The following TNNT2 variants were observed in gnomAD, a reference collection of about 807,000 sequenced individuals.
TNNT2 encodes the protein troponin T, cardiac muscle.
A neutral mutation model predicts 62.4 loss-of-function variants in TNNT2; 34 were observed. The ratio of observed to expected loss-of-function variants is 0.54; its 90% CI spans 0.41 to 0.72. TNNT2 has a LOEUF of 0.72. Ranked by LOEUF, TNNT2 falls within the 30% of genes least tolerant of loss-of-function variation. The probability of loss-of-function intolerance (pLI) is 0.00; values close to 1 mark genes in which losing one functional copy is unlikely to be tolerated. For missense variants in TNNT2, 275 were observed against 381.9 expected (o/e 0.72, Z 2.33); for synonymous variants, 123 against 127.2 (o/e 0.97, Z 0.22).
At chr1:201,369,677 A>T in intron 5 of TNNT2, 139 bp downstream of exon 5, 2 of 970,644 alleles carry the variant, frequency 2.1e-6, no homozygotes, top group Non-Finnish European at 3.3e-6. Context: ...CCTGGGAGGC[A>T]GGGGAGGAAA....
rs769128006 is a variant in TNNT2 at position 201,361,962 on chromosome 1, C to T, written c.670G>A (p.Glu224Lys). ...TCAATGGCCAGCACCTTCCTCCTCT[C>T]AGCCAGAATCTTCTTCTTCTTTTCC... is the stretch of plus-strand genomic sequence containing the variant. ...EREKKKKILAERRKVLAIDHL... is the reference protein window; with the variant it reads ...EREKKKKILAKRRKVLAIDHL... The change falls in exon 14 of 17, where the codon GAG becomes AAG. Residue 224 changes from glutamate to lysine, a missense_variant. Physicochemically the swap from Glu to Lys is moderately conservative, Grantham distance 56 (BLOSUM62 1). Coordinates refer to ENST00000656932, the MANE Select transcript of TNNT2 (RefSeq NM_001276345.2). 1.2e-6 allele frequency: 2 copies of T among 1,614,132 alleles called. No homozygotes were observed. The highest frequency in any genetic ancestry group is 3.3e-5 in the Admixed American group (2 of 60,012).
chr1:201,361,502 C>G, intron 14 of TNNT2, 133 bp from the exon 15 acceptor site: 1 of 891,562 alleles, frequency 1.1e-6, no homozygotes, highest in Non-Finnish European at 1.9e-6. Context: ...GTACCCCAGC[C>G]CACCCCCTGG....
intron 1 of TNNT2, 28 bp downstream of exon 1, chr1:201,377,595 C>T (rs1661582402): frequency 2.2e-6 from 1 of 456,318 alleles, no homozygotes; most frequent in South Asian, 1.5e-5. Context: ...CTGCTCTCCT[C>T]TTCCCCAGAG....
intron 11 of TNNT2, 54 bp downstream of exon 11, chr1:201,364,244 G>A (rs1659234949): frequency 4.5e-6 from 7 of 1,563,952 alleles, no homozygotes; most frequent in Non-Finnish European, 6.1e-6. Flanking sequence ...TGGGGGCCCA[G>A]CAGGAGCTGG....
intron 13 of TNNT2, 113 bp from the exon 14 acceptor site, chr1:201,362,135 T>C (rs990102842): frequency 1.0e-5 from 13 of 1,285,122 alleles, no homozygotes; most frequent in East Asian, 2.3e-5. Context: ...CAGGTTCTTA[T>C]GCTCTTCTTC....
At chr1:201,359,569 T>G in intron 16 of TNNT2, 54 bp downstream of exon 16, 1 of 1,528,732 alleles carries the variant, frequency 6.5e-7, no homozygotes, top group South Asian at 1.2e-5. Context: ...AGCTGGAAGG[T>G]AGGGAAGGAG....
intron 8 of TNNT2, chr1:201,366,510 A>C: frequency 8.2e-7 from 1 of 1,219,420 alleles, no homozygotes; most frequent in Non-Finnish European, 1.0e-6. Flanking sequence ...CTTAATCCCA[A>C]GGTCCCACCT....
In TNNT2 at chr1:201,367,860, C is replaced by A. The variant is rs372760099; in HGVS notation, c.164-54G>T. 5.1e-5 allele frequency: 82 copies of A among 1,599,886 alleles called. No homozygotes were observed. The African/African-American group carries it at 7.2e-4, about 14-fold the overall frequency. On this transcript the variant is annotated intron_variant, in intron 6 of 16. Transcript: ENST00000656932. ...GTCCTTGTTCTGAGCTCAAGTCCCC[C>A]CCTCCGCCACCAGCAAGAGCCTTCC...
chr1:201,362,482 A>G (rs1469744218), intron 12 of TNNT2, 88 bp from the exon 13 acceptor site: 1 of 1,504,944 alleles, frequency 6.6e-7, no homozygotes, highest in African/African-American at 1.4e-5. Context: ...AGACAAAGGC[A>G]AGGAGAGACA....
In TNNT2 at chr1:201,368,012, G is replaced by C. The variant is rs1410994491; in HGVS notation, c.163+150C>G. On this transcript the variant is annotated intron_variant, in intron 6 of 16. Coordinates refer to ENST00000656932, the MANE Select transcript of TNNT2 (RefSeq NM_001276345.2). Reference sequence around the variant, plus strand: ...GAGAAGCGCTGGGTCAACGTTTGTTGATTGGGCAATCAATGGTTGAATCTT... The same window carrying C: ...GAGAAGCGCTGGGTCAACGTTTGTTCATTGGGCAATCAATGGTTGAATCTT... 8.0e-6 allele frequency: 8 copies of C among 998,498 alleles called. No homozygotes were observed. In the Admixed American group the frequency reaches 1.4e-4, roughly 17 times the overall value. 61.9% of individuals were successfully genotyped at this position (998,498 alleles called of 1,614,324 possible). A position where few individuals can be genotyped will look rare whatever the true frequency, so the allele number is the denominator to read the frequency against.
chr1:201,359,607 G>C lies in TNNT2; in HGVS notation c.851+16C>G. 6.3e-7 allele frequency: 1 copy of C among 1,598,154 alleles called. No homozygotes were observed. Among genetic ancestry groups the C allele is most frequent in the Non-Finnish European group, 8.5e-7 (1 of 1,170,674 alleles). On this transcript the variant is annotated intron_variant, in intron 16 of 16. Coordinates refer to ENST00000656932, the MANE Select transcript of TNNT2 (RefSeq NM_001276345.2). Reference sequence around the variant, plus strand: ...GGCAGGGGGAGGGCTAGGCGAGAATGACCTCAGACACTTACACTTTCTGGT... The same window carrying C: ...GGCAGGGGGAGGGCTAGGCGAGAATCACCTCAGACACTTACACTTTCTGGT...
chr1:201,373,234 C>A lies in TNNT2; in HGVS notation c.21G>T (p.Val7=), dbSNP rs777128825. The A allele has an allele frequency of 2.5e-6, 4 of 1,614,036 alleles. No homozygotes were observed. In the African/African-American group the frequency reaches 4.0e-5, roughly 16 times the overall value. ...CTCACTCCTCCTCGTACTCTTCCAC[C>A]ACCTCTTCTATGTCAGACATGGTCT... MSDIEE[V]VEEYEEEEQE... The change falls in exon 2 of 17, where the codon GTG becomes GTT. Residue 7 remains valine (V), a synonymous_variant. Coordinates refer to ENST00000656932, the MANE Select transcript of TNNT2 (RefSeq NM_001276345.2).
intron 1 of TNNT2, among the ~76,000 whole-genome samples, chr1:201,376,849 G>T (rs1446021051): frequency 6.6e-6 from 1 of 152,174 alleles, no homozygotes; most frequent in East Asian, 1.9e-4. Flanking sequence ...CACTTACGGG[G>T]GCCCAGGTTA....
chr1:201,373,850 G>C, intron 1 of TNNT2: 1 of 180,294 alleles, frequency 5.5e-6, no homozygotes, highest in Non-Finnish European at 1.2e-5. Flanking sequence ...TGAGATTACA[G>C]GCGTGAGCCA....
Position 201,359,636 on chromosome 1 carries a change from C to A in TNNT2, c.838G>T (p.Asp280Tyr), listed in dbSNP as rs121964861. 1 of 1,598,808 alleles carries A rather than the reference C, an allele frequency of 6.3e-7. No individual in the cohort carries two copies. The highest frequency in any genetic ancestry group is 8.5e-7 in the Non-Finnish European group (1 of 1,171,222). Residue 280 changes from aspartate to tyrosine, a missense_variant, in exon 16 of 17, where the codon GAT becomes TAT. Asp to Tyr is a radical substitution (Grantham distance 160). Coordinates refer to ENST00000656932, the MANE Select transcript of TNNT2 (RefSeq NM_001276345.2). ...TCAGACACTTACACTTTCTGGTTAT[C>A]GTTGATCCTGTTTCGGAGAACATTG... ...EINVLRNRIN[D>Y]NQKVSKTRGK...
intron 8 of TNNT2, chr1:201,366,373 G>A: frequency 9.5e-7 from 1 of 1,049,862 alleles, no homozygotes; most frequent in Non-Finnish European, 1.1e-6. Context: ...GCCCCCCCCA[G>A]CACACACCAC....
chr1:201,362,352 G>A lies in TNNT2; in HGVS notation c.609+34C>T, dbSNP rs199724264. ...TCCCAGGGAGCTCTCCAAAACTATG[G>A]GGAGGAAGAAGGCTTGAGGTTTTTG... On this transcript the variant is annotated intron_variant, in intron 13 of 16. Coordinates refer to ENST00000656932, the MANE Select transcript of TNNT2 (RefSeq NM_001276345.2). The A allele has an allele frequency of 2.0e-5, 32 of 1,613,112 alleles. No individual in the cohort carries two copies. In the African/African-American group the frequency reaches 3.7e-4, roughly 19 times the overall value.
At position 201,376,937 on chromosome 1, in the gene TNNT2, A is replaced by T. The variant is rs767030772; in HGVS notation, c.-15+686T>A. On this transcript the variant is annotated intron_variant, in intron 1 of 16. Transcript: ENST00000656932. ...TGGGGCCTTTCCCCATCTGCCCCCC[A>T]AGTGCAGCTCAGCTCAGGGTCTGGG... is the stretch of plus-strand genomic sequence containing the variant. 9.3e-4 allele frequency among the ~76,000 whole-genome samples: 141 copies of T among 152,292 alleles called. 1 individual carries two copies. The highest frequency in any genetic ancestry group is 5.3e-4 in the Non-Finnish European group (36 of 68,024).
At chr1:201,363,233 G>A (rs1315113700) in intron 12 of TNNT2, 63 bp downstream of exon 12, 2 of 1,611,812 alleles carry the variant, frequency 1.2e-6, no homozygotes, top group Non-Finnish European at 1.7e-6. Context: ...CTGCTGCAGT[G>A]GACACCTCAT....
Sources: gnomAD v4.1 joint callset for allele counts (sites outside exome capture counted in the v4.1 genomes callset) on GRCh38, gnomAD v4.1.1 for gene constraint, MANE v1.5 for transcripts, NCBI Gene and HGNC (gene_info 2026-07-23, HGNC 2026-07-21) for gene names.